The following DRGX variants were observed in gnomAD, a reference collection of about 807,000 sequenced individuals.
DRGX encodes the protein dorsal root ganglia homeobox.
DRGX carries 21 observed loss-of-function variants against 28.6 expected under a neutral mutation model. The observed-to-expected ratio is 0.73, with a 90% CI of 0.52 to 1.06. The LOEUF is 1.06. DRGX is among the 50% of genes least tolerant of loss of function. DRGX has a pLI of 0.00. For synonymous variants in DRGX, 136 were observed against 139.1 expected, an observed-to-expected ratio of 0.98 and a Z score of 0.16; for missense variants, 354 against 343.9, an observed-to-expected ratio of 1.03 and a Z score of -0.23.
chr10:49,379,667 C>T (rs1849753395), intron 6 of DRGX, among the ~76,000 whole-genome samples: 1 of 152,204 alleles, frequency 6.6e-6, no homozygotes. Context: ...AGGGGCCTTG[C>T]CCTTAGGAAG....
intron 6 of DRGX, among the ~76,000 whole-genome samples, chr10:49,379,900 C>T (rs1849755866): frequency 6.6e-6 from 1 of 152,254 alleles, no homozygotes; most frequent in African/African-American, 2.4e-5. Context: ...GCCTATCTGT[C>T]CCCACACTCC....
chr10:49,383,181 C>A, intron 6 of DRGX, among the ~76,000 whole-genome samples: 1 of 152,240 alleles, frequency 6.6e-6, no homozygotes, highest in South Asian at 2.1e-4. Context: ...GCAATCCCAG[C>A]TTCACCCACT....
At chr10:49,385,505 G>C (rs1243379828) in intron 6 of DRGX, among the ~76,000 whole-genome samples, 1 of 152,106 alleles carries the variant, frequency 6.6e-6, no homozygotes, top group Admixed American at 6.6e-5. Flanking sequence ...CCTGGACACT[G>C]TCTAGGGAGA....
At chr10:49,395,304 C>T (rs948667775) in intron 2 of DRGX, 103 bp downstream of exon 2, 10 of 1,448,628 alleles carry the variant, frequency 6.9e-6, no homozygotes, top group Non-Finnish European at 6.5e-6. Flanking sequence ...GGCTGCGCCC[C>T]CCGCAGGGCG....
chr10:49,365,692 G>A lies in DRGX; in HGVS notation c.*424C>T, dbSNP rs375169902. On this transcript the variant is annotated 3_prime_UTR_variant, in exon 7 of 7. Transcript: ENST00000374139. ...TCCCCAGTTCTTAAACACTGTAAGC[G>A]GGACAGGCCCTTTTCTTTTCATGAA... 2.5e-5 allele frequency: 4 copies of A among 157,622 alleles called. No individual in the cohort carries two copies. Among genetic ancestry groups the A allele is most frequent in the Non-Finnish European group, 5.5e-5 (4 of 72,082 alleles). The allele number at this position is 157,622 out of a possible 1,614,324, so 9.8% of individuals were successfully genotyped here.
At chr10:49,370,335 G>A (rs1053149947) in intron 6 of DRGX, among the ~76,000 whole-genome samples, 10 of 152,216 alleles carry the variant, frequency 6.6e-5, no homozygotes, top group Admixed American at 5.9e-4. Context: ...AACCTGGGAA[G>A]TGGAGGTTGC....
intron 6 of DRGX, among the ~76,000 whole-genome samples, chr10:49,382,714 C>T (rs1190257147): frequency 6.6e-6 from 1 of 152,182 alleles, no homozygotes. Context: ...CCCATAGGCA[C>T]CCAACACACC....
intron 2 of DRGX, chr10:49,391,814 T>C (rs1035278273): frequency 1.4e-5 from 7 of 517,990 alleles, no homozygotes; most frequent in Non-Finnish European, 1.2e-5. Flanking sequence ...AGGTAAGAAG[T>C]TTATAAATGA....
At chr10:49,386,453 C>A (rs765861566) in intron 6 of DRGX, 25 bp downstream of exon 6, 2 of 1,510,776 alleles carry the variant, frequency 1.3e-6, no homozygotes, top group Non-Finnish European at 1.8e-6. Flanking sequence ...GCCACGCCCA[C>A]CAGCCCAGCC....
intron 6 of DRGX, among the ~76,000 whole-genome samples, chr10:49,383,128 A>G (rs1224257308): frequency 6.6e-6 from 1 of 152,154 alleles, no homozygotes; most frequent in Non-Finnish European, 1.5e-5. Flanking sequence ...CCCACAATGG[A>G]GCCAGGCACT....
At chr10:49,385,113 G>C (rs906879311) in intron 6 of DRGX, among the ~76,000 whole-genome samples, 1 of 152,168 alleles carries the variant, frequency 6.6e-6, no homozygotes, top group African/African-American at 2.4e-5. Flanking sequence ...GCAGCCCACT[G>C]TGTCTTGTAA....
chr10:49,371,452 G>A (rs1223469359), intron 6 of DRGX, among the ~76,000 whole-genome samples: 1 of 151,938 alleles, frequency 6.6e-6, no homozygotes, highest in African/African-American at 2.4e-5. Context: ...CAGGAGTTTT[G>A]AGACCAGCCT....
At chr10:49,371,619 C>T (rs1849660226) in intron 6 of DRGX, among the ~76,000 whole-genome samples, 2 of 151,912 alleles carry the variant, frequency 1.3e-5, no homozygotes, top group Non-Finnish European at 2.9e-5. Context: ...TGGTGAAACC[C>T]CATCTGTACT....
intron 6 of DRGX, among the ~76,000 whole-genome samples, chr10:49,380,382 A>G (rs1045073904): frequency 6.6e-6 from 1 of 152,170 alleles, no homozygotes; most frequent in Non-Finnish European, 1.5e-5. Flanking sequence ...GAACAAACCC[A>G]AGCGCCTCCC....
chr10:49,372,961 G>A (rs748204621), intron 6 of DRGX, among the ~76,000 whole-genome samples: 2 of 152,182 alleles, frequency 1.3e-5, no homozygotes. Context: ...GGGAGTAGCA[G>A]AGTATTGTTT....
chr10:49,386,922 G>A, intron 4 of DRGX, 64 bp from the exon 5 acceptor site: 3 of 1,489,066 alleles, frequency 2.0e-6, no homozygotes, highest in African/African-American at 1.4e-5. Context: ...CCAGAACCCT[G>A]GACCCAGTGC....
intron 6 of DRGX, among the ~76,000 whole-genome samples, chr10:49,375,637 T>C (rs183047008): frequency 1.3e-5 from 2 of 151,852 alleles, no homozygotes; most frequent in African/African-American, 2.4e-5. Flanking sequence ...CAAACACTCA[T>C]TGATGGGGGC....
At chr10:49,384,685 C>T (rs999351455) in intron 6 of DRGX, among the ~76,000 whole-genome samples, 1 of 152,178 alleles carries the variant, frequency 6.6e-6, no homozygotes, top group Non-Finnish European at 1.5e-5. Context: ...CCGCACCAGC[C>T]TCTGTCCTGG....
rs553108278 is a variant in DRGX, at chr10:49,365,141, T to C, written c.*975A>G. 1 of 152,378 alleles carries C rather than the reference T, an allele frequency of 6.6e-6. No homozygotes were observed. Among genetic ancestry groups the C allele is most frequent in the Non-Finnish European group, 1.5e-5 (1 of 68,062 alleles). 9.4% of individuals were successfully genotyped at this position (152,378 alleles called of 1,614,324 possible). ...CGTTCCTGTCTCCTTTCCTACTTTT[T>C]TTTCCCCAGTAAAAAACCACCACCA... is the stretch of plus-strand genomic sequence containing the variant. On this transcript the variant is annotated 3_prime_UTR_variant, in exon 7 of 7. Coordinates refer to ENST00000374139, the MANE Select transcript of DRGX (RefSeq NM_001276451.2).
Sources: gnomAD v4.1 joint callset for allele counts (sites outside exome capture counted in the v4.1 genomes callset) on GRCh38, gnomAD v4.1.1 for gene constraint, MANE v1.5 for transcripts, NCBI Gene and HGNC (gene_info 2026-07-23, HGNC 2026-07-21) for gene names.